The following UGT2A2 variants were observed in gnomAD, a reference collection of about 807,000 sequenced individuals.
The protein encoded by UGT2A2 is UDP-glucuronosyltransferase 2A2.
UGT2A2 carries 60 observed loss-of-function variants against 50.7 expected under a neutral mutation model. The observed-to-expected ratio is 1.18, with a 90% CI of 0.96 to 1.47. The LOEUF (loss-of-function observed/expected upper bound fraction) is 1.47, where lower values mean the gene tolerates loss of function less well. Ranked by LOEUF, UGT2A2 falls within the 40% of genes most tolerant of loss-of-function variation. The pLI is 0.00. For missense variants in UGT2A2, 762 were observed against 634.0 expected, an observed-to-expected ratio of 1.20 and a Z score of -2.17; for synonymous variants, 242 against 214.6, an observed-to-expected ratio of 1.13 and a Z score of -1.11.
In UGT2A2 at chr4:69,594,540, T is replaced by C. The variant is rs965410306; in HGVS notation, c.1268A>G (p.Asn423Ser). 1.2e-6 allele frequency: 2 copies of C among 1,614,172 alleles called. No individual in the cohort carries two copies. The highest frequency in any genetic ancestry group is 1.7e-5 in the Admixed American group (1 of 60,012). The stretch of plus-strand genomic sequence containing the variant: ...ATCCACACTTGTCATTGTGTTTAGG[T>C]TCACTTCCACAGCTGCTCCTTTGGC... ...MKAKGAAVEV[N>S]LNTMTSVDLL... The change falls in exon 5 of 6, where the codon AAC (asparagine) becomes AGC (serine). Residue 423 changes from asparagine (N) to serine (S), a missense_variant. By Grantham distance (46) the Asn-to-Ser change is conservative. Transcript: ENST00000604629.
intron 5 of UGT2A2, among the ~76,000 whole-genome samples, chr4:69,592,123 G>C (rs1362783694): frequency 6.6e-6 from 1 of 152,062 alleles, no homozygotes; most frequent in Non-Finnish European, 1.5e-5. Context: ...GCCTGGCAAA[G>C]GTCACTGAAT....
In UGT2A2 at chr4:69,589,133, G is replaced by T; in HGVS notation, c.*239C>A. The T allele has an allele frequency of 2.7e-6, 1 of 367,272 alleles. No individual in the cohort carries two copies. Among genetic ancestry groups the T allele is most frequent in the Non-Finnish European group, 4.7e-6 (1 of 212,770 alleles). 22.8% of individuals were successfully genotyped at this position (367,272 alleles called of 1,614,324 possible). A position where few individuals can be genotyped will look rare whatever the true frequency, so the allele number is the denominator to read the frequency against. On this transcript the variant is annotated 3_prime_UTR_variant, in exon 6 of 6. Transcript: ENST00000604629. ...TTGTGTCAGAAAAGTGACAGGAAGA[G>T]GGTATAGTCAGCAGGGAGAGACAAA...
intron 1 of UGT2A2, among the ~76,000 whole-genome samples, chr4:69,607,937 T>G (rs1220293123): frequency 6.6e-6 from 1 of 152,160 alleles, no homozygotes; most frequent in Non-Finnish European, 1.5e-5. Context: ...CTGGAGAGGA[T>G]GTCGAGAAAT....
chr4:69,617,073 G>T (rs1720447757), intron 1 of UGT2A2, among the ~76,000 whole-genome samples: 3 of 151,800 alleles, frequency 2.0e-5, no homozygotes, highest in Admixed American at 1.3e-4. Flanking sequence ...CAACTTCTCT[G>T]ATCTTGATTT....
chr4:69,639,377 C>T lies in UGT2A2; in HGVS notation c.264G>A (p.Lys88=). 2 of 1,613,598 alleles carry T rather than the reference C, an allele frequency of 1.2e-6. No homozygotes were observed. The highest frequency in any genetic ancestry group is 8.5e-7 in the Non-Finnish European group (1 of 1,179,702). The change falls in exon 1 of 6, where the codon AAG becomes AAA. Residue 88 remains lysine, a synonymous_variant. Transcript: ENST00000604629. ...CAATTAAGGAATCTATATTGCTCTTCTTGTAGGAAACAGGTATCACTTCAA... is the reference window on the plus strand; with the variant it reads ...CAATTAAGGAATCTATATTGCTCTTTTTGTAGGAAACAGGTATCACTTCAA... ...VNFEVIPVSY[K]KSNIDSLIEH... is the part of the protein sequence containing the mutation.
intron 1 of UGT2A2, among the ~76,000 whole-genome samples, chr4:69,633,467 T>C (rs1577994382): frequency 6.6e-6 from 1 of 152,138 alleles, no homozygotes; most frequent in African/African-American, 2.4e-5. Context: ...CAGTATGGCA[T>C]ACATGTATTC....
intron 1 of UGT2A2, among the ~76,000 whole-genome samples, chr4:69,616,603 C>T (rs1427693040): frequency 6.6e-6 from 1 of 151,920 alleles, no homozygotes; most frequent in Non-Finnish European, 1.5e-5. Flanking sequence ...TCCAGTTTAC[C>T]ATTTCCTGTA....
intron 4 of UGT2A2, 109 bp from the exon 5 acceptor site, chr4:69,594,805 C>T (rs910470012): frequency 3.2e-5 from 42 of 1,325,528 alleles, no homozygotes; most frequent in Middle Eastern, 3.8e-4. Context: ...AAGAAGGATA[C>T]GTTTTCTACA....
chr4:69,611,515 T>C (rs1720047761), intron 1 of UGT2A2, among the ~76,000 whole-genome samples: 1 of 152,046 alleles, frequency 6.6e-6, no homozygotes, highest in African/African-American at 2.4e-5. Context: ...ATACTTTAAA[T>C]GAAGAGTAAT....
In UGT2A2 at chr4:69,602,301, A is replaced by G. The variant is rs1343249536; in HGVS notation, c.743-2907T>C. Among the ~76,000 whole-genome samples the G allele has an allele frequency of 1.5e-5, 2 of 137,454 alleles. 1 individual carries two copies. Among genetic ancestry groups the G allele is most frequent in the Admixed American group, 1.4e-4 (2 of 14,022 alleles). The allele number at this position is 137,454 out of a possible 152,430, so 90.2% of individuals were successfully genotyped here. A position where few individuals can be genotyped will look rare whatever the true frequency, so the allele number is the denominator to read the frequency against. Reference sequence around the variant, plus strand: ...TACACCAACAAAGGCACTCCAAACAAAAAAGTTTCATCAAATGTAACCTTT... The same window carrying G: ...TACACCAACAAAGGCACTCCAAACAGAAAAGTTTCATCAAATGTAACCTTT... On this transcript the variant is annotated intron_variant, in intron 1 of 5. Transcript: ENST00000604629.
intron 1 of UGT2A2, among the ~76,000 whole-genome samples, chr4:69,627,949 C>T (rs10005934): frequency 0.35 from 53,178 of 151,592 alleles, 9,677 homozygotes; most frequent in African/African-American, 0.43. Flanking sequence ...TACGAATATT[C>T]ACTTCCATTC....
chr4:69,590,654 T>TGTGC (rs1338487428), intron 5 of UGT2A2, among the ~76,000 whole-genome samples: 2 of 151,876 alleles, frequency 1.3e-5, no homozygotes, highest in Non-Finnish European at 2.9e-5. Flanking sequence ...TGTGTGTGTG[T>TGTGC]GTGTGTTTGT....
chr4:69,609,845 T>C (rs1719927731), intron 1 of UGT2A2, among the ~76,000 whole-genome samples: 1 of 152,180 alleles, frequency 6.6e-6, no homozygotes, highest in South Asian at 2.1e-4. Context: ...TGTCATGCTA[T>C]AGTCACCTGA....
chr4:69,612,192 C>G (rs190031867), intron 1 of UGT2A2, among the ~76,000 whole-genome samples: 38 of 151,542 alleles, frequency 2.5e-4, no homozygotes, highest in African/African-American at 8.7e-4. Context: ...GTAACAGAGA[C>G]TAGAAATATT....
intron 1 of UGT2A2, among the ~76,000 whole-genome samples, chr4:69,623,103 C>T (rs1720844643): frequency 6.6e-6 from 1 of 151,818 alleles, no homozygotes; most frequent in Non-Finnish European, 1.5e-5. Flanking sequence ...CTACATAATT[C>T]TTACAATTAT....
intron 1 of UGT2A2, among the ~76,000 whole-genome samples, chr4:69,611,423 A>G (rs563889957): frequency 5.3e-5 from 8 of 152,052 alleles, no homozygotes; most frequent in South Asian, 4.2e-4. Flanking sequence ...GTCCTTTTCT[A>G]CAAGATAACC....
chr4:69,592,985 C>A (rs1174961027), intron 5 of UGT2A2, among the ~76,000 whole-genome samples: 1 of 151,876 alleles, frequency 6.6e-6, no homozygotes, highest in Non-Finnish European at 1.5e-5. Flanking sequence ...GAAAAGAAAG[C>A]AAAAAGATAC....
chr4:69,595,389 C>T (rs959113193), intron 3 of UGT2A2, 140 bp from the exon 4 acceptor site: 22 of 874,482 alleles, frequency 2.5e-5, no homozygotes, highest in Admixed American at 5.2e-5. Flanking sequence ...CGTTGAGATA[C>T]GTAGTAGGAC....
At chr4:69,614,884 G>A (rs1289104856) in intron 1 of UGT2A2, among the ~76,000 whole-genome samples, 2 of 152,044 alleles carry the variant, frequency 1.3e-5, no homozygotes, top group East Asian at 3.9e-4. Flanking sequence ...GGCTGTACAG[G>A]AGGCATGGTT....
Sources: gnomAD v4.1 joint callset for allele counts (sites outside exome capture counted in the v4.1 genomes callset) on GRCh38, gnomAD v4.1.1 for gene constraint, MANE v1.5 for transcripts, NCBI Gene and HGNC (gene_info 2026-07-23, HGNC 2026-07-21) for gene names.